The following FOXO3 variants were observed in gnomAD, a reference collection of about 807,000 sequenced individuals.
FOXO3 encodes the protein forkhead box protein O3.
FOXO3 carries 4 observed loss-of-function variants against 41.9 expected under a neutral mutation model. The observed-to-expected ratio is 0.10, with a 90% CI of 0.05 to 0.22. The LOEUF (loss-of-function observed/expected upper bound fraction) is 0.22, where lower values mean the gene tolerates loss of function less well. Ranked by LOEUF, FOXO3 falls within the 10% of genes least tolerant of loss-of-function variation. The pLI, the probability that FOXO3 is intolerant of heterozygous loss-of-function variation, is 1.00. For synonymous variants in FOXO3, 318 were observed against 389.3 expected (o/e 0.82, Z 2.16); for missense variants, 534 against 906.8 (o/e 0.59, Z 5.28).
rs1219659947 is a variant in FOXO3, at chr6:108,605,763, G to A, written c.621+43934G>A. ...GATTACCTGCTTAGATAAAGCAAGG[G>A]AACAGGCCAGGAGGCTGAACAGTTC... On this transcript the variant is annotated intron_variant, in intron 1 of 2. Transcript: ENST00000406360. Among the ~76,000 whole-genome samples the A allele has an allele frequency of 3.3e-5, 5 of 152,316 alleles. 1 individual carries two copies. In the East Asian group the frequency reaches 9.7e-4, roughly 29 times the overall value.
At chr6:108,592,392 A>C (rs1428218042) in intron 1 of FOXO3, among the ~76,000 whole-genome samples, 1 of 152,150 alleles carries the variant, frequency 6.6e-6, no homozygotes, top group African/African-American at 2.4e-5. Flanking sequence ...CAGTTTTTAC[A>C]GTATTGTAAG....
intron 1 of FOXO3, among the ~76,000 whole-genome samples, chr6:108,593,806 T>A (rs1732997187): frequency 6.9e-6 from 1 of 145,716 alleles, no homozygotes. Flanking sequence ...AACCTCTGTC[T>A]CCTGGGTTCA....
chr6:108,569,361 C>T (rs1322316856), intron 1 of FOXO3, among the ~76,000 whole-genome samples: 1 of 152,196 alleles, frequency 6.6e-6, no homozygotes, highest in African/African-American at 2.4e-5. Flanking sequence ...AAACAACGTT[C>T]ATTTCCCAGT....
chr6:108,654,621 A>G (rs903844219), intron 1 of FOXO3, among the ~76,000 whole-genome samples: 12 of 152,296 alleles, frequency 7.9e-5, no homozygotes, highest in African/African-American at 2.6e-4. Context: ...TTAGTTTCCA[A>G]AGGCCATCTC....
chr6:108,669,454 T>A (rs1779152972), intron 2 of FOXO3, among the ~76,000 whole-genome samples: 1 of 152,222 alleles, frequency 6.6e-6, no homozygotes, highest in African/African-American at 2.4e-5. Context: ...TTAGGGAATG[T>A]AACATCTGAT....
At chr6:108,600,434 C>CT (rs1777017099) in intron 1 of FOXO3, among the ~76,000 whole-genome samples, 3 of 150,736 alleles carry the variant, frequency 2.0e-5, no homozygotes, top group African/African-American at 7.3e-5. Flanking sequence ...GTAATCCCAG[C>CT]TGCTCCGGAG....
intron 1 of FOXO3, among the ~76,000 whole-genome samples, chr6:108,595,618 C>T (rs1358525509): frequency 5.3e-5 from 8 of 151,994 alleles, no homozygotes; most frequent in Admixed American, 5.2e-4. Context: ...TAATACAAAT[C>T]CTAAAGATAG....
intron 1 of FOXO3, among the ~76,000 whole-genome samples, chr6:108,624,645 G>C (rs1359006951): frequency 6.6e-6 from 1 of 152,134 alleles, no homozygotes; most frequent in African/African-American, 2.4e-5. Context: ...TTGTACTTTG[G>C]TGAAGCTTTA....
In FOXO3 at chr6:108,561,175, G is replaced by C. The variant is rs1260727065; in HGVS notation, c.-34G>C. On this transcript the variant is annotated 5_prime_UTR_variant, in exon 1 of 3. Transcript: ENST00000406360. ...CCGCCCCGGCGCGAGAGGAGAGCGC[G>C]AGAGCCCCAGCCGCGGGCGGGCGGG... is the stretch of plus-strand genomic sequence containing the variant. The C allele has an allele frequency of 7.2e-6, 11 of 1,520,404 alleles. No individual in the cohort carries two copies. In the East Asian group the frequency reaches 2.4e-4, roughly 33 times the overall value. The allele number at this position is 1,520,404 out of a possible 1,614,324, so 94.2% of individuals were successfully genotyped here. A position where few individuals can be genotyped will look rare whatever the true frequency, so the allele number is the denominator to read the frequency against.
intron 1 of FOXO3, among the ~76,000 whole-genome samples, chr6:108,580,183 A>ATTTTTTTTT (rs11395032): frequency 2.7e-4 from 25 of 93,062 alleles, no homozygotes; most frequent in East Asian, 1.0e-3. Flanking sequence ...GCTCTTCTTC[A>ATTTTTTTTT]TTTTTTTTTT....
intron 2 of FOXO3, among the ~76,000 whole-genome samples, chr6:108,669,819 T>C (rs1206259588): frequency 6.6e-6 from 1 of 152,208 alleles, no homozygotes; most frequent in Non-Finnish European, 1.5e-5. Context: ...TTTTCACCTC[T>C]GGCCAGCCTG....
intron 2 of FOXO3, among the ~76,000 whole-genome samples, chr6:108,665,479 A>G (rs1457807293): frequency 6.6e-6 from 1 of 152,186 alleles, no homozygotes; most frequent in Non-Finnish European, 1.5e-5. Flanking sequence ...ATTATTCTTT[A>G]TCTTAGTACT....
At position 108,649,515 on chromosome 6, in the gene FOXO3, C is replaced by CTTTTT. The variant is rs886836999; in HGVS notation, c.622-13918_622-13914dup. Among the ~76,000 whole-genome samples, 5 of 95,206 alleles carry CTTTTT rather than the reference C, an allele frequency of 5.3e-5. 1 individual carries two copies. Among genetic ancestry groups the CTTTTT allele is most frequent in the Admixed American group, 2.1e-4 (2 of 9,376 alleles). The allele number at this position is 95,206 out of a possible 152,430, so 62.5% of individuals were successfully genotyped here. ...ATCCCTAGTTCACCACCACCCTCAG[C>CTTTTT]TTTTTTTTTTTTTTTTTTTTTTTTT... is the stretch of plus-strand genomic sequence containing the variant. On this transcript the variant is annotated intron_variant, in intron 1 of 2. Transcript: ENST00000406360.
At chr6:108,635,493 A>T (rs1778097079) in intron 1 of FOXO3, among the ~76,000 whole-genome samples, 1 of 152,214 alleles carries the variant, frequency 6.6e-6, no homozygotes, top group African/African-American at 2.4e-5. Context: ...AGCAGTGGGT[A>T]CACAGGTGTT....
At chr6:108,638,577 C>G (rs1406217894) in intron 1 of FOXO3, among the ~76,000 whole-genome samples, 1 of 152,098 alleles carries the variant, frequency 6.6e-6, no homozygotes, top group Non-Finnish European at 1.5e-5. Context: ...GGATTCTATT[C>G]AAGTGGTGTC....
intron 1 of FOXO3, among the ~76,000 whole-genome samples, chr6:108,571,647 C>T (rs572361312): frequency 6.6e-6 from 1 of 152,246 alleles, no homozygotes; most frequent in Admixed American, 6.5e-5. Context: ...TGCCAGGAGC[C>T]GCCAGAAGCT....
intron 1 of FOXO3, among the ~76,000 whole-genome samples, chr6:108,592,379 C>T (rs181007701): frequency 3.3e-5 from 5 of 152,216 alleles, no homozygotes; most frequent in East Asian, 1.9e-4. Flanking sequence ...AGTCCATTTA[C>T]GCCAGTTTTT....
intron 1 of FOXO3, among the ~76,000 whole-genome samples, chr6:108,640,495 T>C (rs1778228128): frequency 6.6e-6 from 1 of 152,202 alleles, no homozygotes; most frequent in African/African-American, 2.4e-5. Context: ...TTCACAAAGA[T>C]CTACATCATC....
chr6:108,598,388 G>A (rs1413960838), intron 1 of FOXO3, among the ~76,000 whole-genome samples: 5 of 152,162 alleles, frequency 3.3e-5, no homozygotes, highest in Non-Finnish European at 7.3e-5. Flanking sequence ...CATTTGTAGG[G>A]TGGGGATGAC....
Sources: allele counts gnomAD v4.1 joint callset (sites outside exome capture counted in the v4.1 genomes callset), GRCh38; gene constraint gnomAD v4.1.1; transcripts MANE v1.5; gene names NCBI Gene and HGNC (gene_info 2026-07-23, HGNC 2026-07-21).